FBXO16: variants seen among roughly 807,000 people sequenced by gnomAD.
FBXO16 encodes the protein F-box only protein 16.
Under a neutral mutation model 41.0 loss-of-function variants are expected in FBXO16, and 31 were observed. The observed-to-expected ratio is 0.76, with a 90% CI of 0.57 to 1.02. FBXO16 has a LOEUF of 1.02. FBXO16 is among the 50% of genes least tolerant of loss of function. The pLI is 0.00. For missense variants in FBXO16, 361 were observed against 346.2 expected, an observed-to-expected ratio of 1.04 and a Z score of -0.34; for synonymous variants, 133 against 117.8, an observed-to-expected ratio of 1.13 and a Z score of -0.84.
At chr8:28,471,776 C>G (rs1254759416) in intron 3 of FBXO16, among the ~76,000 whole-genome samples, 7 of 129,500 alleles carry the variant, frequency 5.4e-5, no homozygotes, top group Non-Finnish European at 1.1e-4. Context: ...CCATAGATTA[C>G]TCTCTTGAAG....
intron 8 of FBXO16, among the ~76,000 whole-genome samples, chr8:28,428,995 G>A (rs1160473748): frequency 1.3e-5 from 2 of 152,084 alleles, no homozygotes; most frequent in African/African-American, 4.8e-5. Context: ...GTGGTAGAGA[G>A]GATAGTATTA....
At chr8:28,439,415 C>T (rs573014553) in intron 7 of FBXO16, among the ~76,000 whole-genome samples, 1 of 152,224 alleles carries the variant, frequency 6.6e-6, no homozygotes, top group East Asian at 1.9e-4. Context: ...TTTGGTTCTG[C>T]ACATTCAAAC....
chr8:28,460,245 A>AATTTT (rs1803108041), intron 4 of FBXO16, among the ~76,000 whole-genome samples: 1 of 85,484 alleles, frequency 1.2e-5, no homozygotes, highest in South Asian at 3.7e-4. Flanking sequence ...ATATATATAT[A>AATTTT]TTTTTTTTTT....
intron 2 of FBXO16, among the ~76,000 whole-genome samples, chr8:28,480,337 G>A (rs919352156): frequency 1.7e-4 from 26 of 152,052 alleles, no homozygotes; most frequent in African/African-American, 6.0e-4. Context: ...GTTTGATGAC[G>A]GCTTTGCCAA....
chr8:28,456,552 A>C, intron 5 of FBXO16: 1 of 514,366 alleles, frequency 1.9e-6, no homozygotes, highest in Non-Finnish European at 3.4e-6. Flanking sequence ...CCGGGATGCA[A>C]CTGTGGTTTG....
chr8:28,445,534 A>G, intron 7 of FBXO16, among the ~76,000 whole-genome samples: 1 of 152,212 alleles, frequency 6.6e-6, no homozygotes, highest in East Asian at 1.9e-4. Context: ...GCTGGAAACC[A>G]GGCAGAAGCA....
intron 5 of FBXO16, among the ~76,000 whole-genome samples, chr8:28,455,045 T>C (rs753001123): frequency 6.6e-6 from 1 of 151,816 alleles, no homozygotes; most frequent in Non-Finnish European, 1.5e-5. Flanking sequence ...TACTGAAACA[T>C]GCACTTTTTT....
chr8:28,482,767 CG>C (rs1038037382), intron 2 of FBXO16, among the ~76,000 whole-genome samples: 1 of 150,744 alleles, frequency 6.6e-6, no homozygotes, highest in African/African-American at 2.4e-5. Flanking sequence ...TTAGTAGAAA[CG>C]GGGTTTCACC....
At chr8:28,453,496 T>C (rs539773359) in intron 5 of FBXO16, among the ~76,000 whole-genome samples, 1 of 152,046 alleles carries the variant, frequency 6.6e-6, no homozygotes, top group African/African-American at 2.4e-5. Flanking sequence ...TGAAAGCCTG[T>C]CTTGTGTGTG....
intron 7 of FBXO16, among the ~76,000 whole-genome samples, chr8:28,435,729 A>T (rs1002034671): frequency 5.3e-5 from 8 of 152,142 alleles, no homozygotes; most frequent in Non-Finnish European, 1.2e-4. Flanking sequence ...AGGTACATGT[A>T]AAATAGGTGA....
chr8:28,446,969 G>A, intron 7 of FBXO16: 1 of 454,156 alleles, frequency 2.2e-6, no homozygotes. Context: ...TTTAACAGAT[G>A]AGAAAACAGA....
intron 7 of FBXO16, among the ~76,000 whole-genome samples, chr8:28,446,309 G>T (rs1451893425): frequency 7.0e-6 from 1 of 142,148 alleles, no homozygotes; most frequent in Non-Finnish European, 1.5e-5. Context: ...CCCCGCACCC[G>T]CCATAGGCAT....
intron 7 of FBXO16, among the ~76,000 whole-genome samples, chr8:28,435,650 G>A (rs1279745867): frequency 6.6e-6 from 1 of 152,114 alleles, no homozygotes; most frequent in African/African-American, 2.4e-5. Context: ...TGAGTATACA[G>A]AAAAGGTTAA....
At chr8:28,441,651 G>A (rs1200908575) in intron 7 of FBXO16, among the ~76,000 whole-genome samples, 3 of 150,108 alleles carry the variant, frequency 2.0e-5, no homozygotes, top group African/African-American at 4.9e-5. Context: ...CAGGAGAATC[G>A]CTTGAACCTG....
At chr8:28,473,886 G>C in intron 2 of FBXO16, 79 bp from the exon 3 acceptor site, 1 of 1,053,752 alleles carries the variant, frequency 9.5e-7, no homozygotes, top group Non-Finnish European at 1.4e-6. Context: ...TACCATTAAG[G>C]GATCGGTGAA....
intron 7 of FBXO16, among the ~76,000 whole-genome samples, chr8:28,442,919 C>G (rs1489000511): frequency 6.6e-6 from 1 of 152,124 alleles, no homozygotes; most frequent in East Asian, 1.9e-4. Flanking sequence ...GGAGACAGCG[C>G]TCACATCTGA....
intron 7 of FBXO16, among the ~76,000 whole-genome samples, chr8:28,431,042 A>G (rs1195780372): frequency 6.6e-6 from 1 of 152,248 alleles, no homozygotes; most frequent in Admixed American, 6.5e-5. Flanking sequence ...CTATGACACA[A>G]GAATGGGCTA....
At chr8:28,474,750 T>C (rs965113826) in intron 2 of FBXO16, among the ~76,000 whole-genome samples, 1 of 152,236 alleles carries the variant, frequency 6.6e-6, no homozygotes, top group African/African-American at 2.4e-5. Flanking sequence ...AGAAACTAAG[T>C]CTTATTCATC....
chr8:28,452,315 A>T lies in FBXO16; in HGVS notation c.669T>A (p.Asp223Glu). Residue 223 changes from aspartate to glutamate, a missense_variant, in exon 6 of 9, where the codon GAT becomes GAA. By Grantham distance (45) the Asp-to-Glu change is conservative. Transcript: ENST00000380254. ...AACGAATGATATCTGTTGGGTGCTT[A>T]TCAGAAGATCGCCAGGGTGGAAGTG... Reference protein sequence around the residue: ...EKALPPWRSSDKHPTDIIRFN... With the variant: ...EKALPPWRSSEKHPTDIIRFN... 1 of 1,614,242 alleles carries T rather than the reference A, an allele frequency of 6.2e-7. No homozygotes were observed. The highest frequency in any genetic ancestry group is 8.5e-7 in the Non-Finnish European group (1 of 1,180,050).
Sources: allele counts gnomAD v4.1 joint callset (sites outside exome capture counted in the v4.1 genomes callset), GRCh38; gene constraint gnomAD v4.1.1; transcripts MANE v1.5; gene names NCBI Gene and HGNC (gene_info 2026-07-23, HGNC 2026-07-21).